Variants in UNC5C observed in about 807,000 individuals in gnomAD.
The protein encoded by UNC5C is unc-5 netrin receptor C.
A neutral mutation model predicts 99.8 loss-of-function variants in UNC5C; 47 were observed. The observed-to-expected ratio is 0.47, with a 90% CI of 0.37 to 0.60. The LOEUF is 0.60. UNC5C is among the 20% of genes least tolerant of loss of function. The pLI is 0.00. For missense variants in UNC5C, 1,062 were observed against 1,165.9 expected (o/e 0.91, Z 1.30); for synonymous variants, 487 against 452.2 (o/e 1.08, Z -0.98).
intron 1 of UNC5C, among the ~76,000 whole-genome samples, chr4:95,512,973 G>A (rs1034917764): frequency 9.2e-5 from 14 of 152,104 alleles, no homozygotes; most frequent in Non-Finnish European, 1.5e-4. Flanking sequence ...CTGCATCTAC[G>A]TGCATTACCG....
In UNC5C at chr4:95,381,713, G is replaced by T. The variant is rs540644991; in HGVS notation, c.125-46082C>A. 6.6e-5 allele frequency among the ~76,000 whole-genome samples: 10 copies of T among 152,188 alleles called. No individual in the cohort carries two copies. In the South Asian group the frequency reaches 1.9e-3, roughly 28 times the overall value. On this transcript the variant is annotated intron_variant, in intron 1 of 15. Transcript: ENST00000453304. ...TCAACAATGAATATCTGAAATTATT[G>T]CATGATGTATTGCATATACATTGAT...
At chr4:95,424,502 A>ATTTTTTTTTTTTTTTTTTT (rs202226117) in intron 1 of UNC5C, among the ~76,000 whole-genome samples, 2 of 95,868 alleles carry the variant, frequency 2.1e-5, no homozygotes, top group African/African-American at 4.0e-5. Flanking sequence ...GGGCTTCAGA[A>ATTTTTTTTTTTTTTTTTTT]TTTTTTTTTT....
chr4:95,520,077 A>G (rs1326942846), intron 1 of UNC5C, among the ~76,000 whole-genome samples: 2 of 152,212 alleles, frequency 1.3e-5, no homozygotes, highest in South Asian at 2.1e-4. Flanking sequence ...TTTGAGATCA[A>G]TGAAGAAATT....
chr4:95,195,902 CAAAA>C (rs397973178), intron 12 of UNC5C, among the ~76,000 whole-genome samples: 1 of 135,476 alleles, frequency 7.4e-6, no homozygotes, highest in Non-Finnish European at 1.6e-5. Context: ...ATGAGTCCAT[CAAAA>C]AAAAAAAAGC....
At chr4:95,330,546 T>C (rs1194330736) in intron 2 of UNC5C, among the ~76,000 whole-genome samples, 1 of 152,144 alleles carries the variant, frequency 6.6e-6, no homozygotes, top group Non-Finnish European at 1.5e-5. Flanking sequence ...GAATTGGCTG[T>C]CTGTACATAG....
chr4:95,180,175 G>A (rs1010744205), intron 14 of UNC5C, among the ~76,000 whole-genome samples: 4 of 152,232 alleles, frequency 2.6e-5, no homozygotes, highest in Non-Finnish European at 5.9e-5. Flanking sequence ...TCCCACACTG[G>A]CCCAAGATAA....
intron 1 of UNC5C, among the ~76,000 whole-genome samples, chr4:95,466,915 T>C (rs1427512207): frequency 6.6e-6 from 1 of 152,172 alleles, no homozygotes; most frequent in Admixed American, 6.5e-5. Flanking sequence ...TCACTACTAA[T>C]GGTGTGCAGC....
At chr4:95,319,768 T>C (rs1408682235) in intron 2 of UNC5C, among the ~76,000 whole-genome samples, 2 of 152,094 alleles carry the variant, frequency 1.3e-5, no homozygotes, top group African/African-American at 4.8e-5. Context: ...AATTTTTAAC[T>C]AAAAAGTTCT....
intron 14 of UNC5C, among the ~76,000 whole-genome samples, chr4:95,172,740 T>C (rs1193701010): frequency 2.6e-5 from 4 of 151,812 alleles, no homozygotes; most frequent in African/African-American, 4.9e-5. Context: ...TTTGGTTCCA[T>C]ATGAACTTGA....
chr4:95,246,946 G>A (rs1739523550), intron 5 of UNC5C, among the ~76,000 whole-genome samples: 1 of 151,982 alleles, frequency 6.6e-6, no homozygotes, highest in Non-Finnish European at 1.5e-5. Flanking sequence ...GGAGGCTGAG[G>A]AGGGAGGATC....
At position 95,169,352 on chromosome 4, in the gene UNC5C, A is replaced by T; in HGVS notation, c.2678T>A (p.Leu893Gln). 1 of 1,614,248 alleles carries T rather than the reference A, an allele frequency of 6.2e-7. No individual in the cohort carries two copies. The highest frequency in any genetic ancestry group is 8.5e-7 in the Non-Finnish European group (1 of 1,180,044). ...ATKSSPTGVILDLWEAQNFPD... is the reference protein window; with the variant it reads ...ATKSSPTGVIQDLWEAQNFPD... ...GAAGTTCTGTGCTTCCCAAAGATCC[A>T]GGATTACGCCAGTTGGGCTGGATTT... The change falls in exon 16 of 16, where the codon CTG becomes CAG. Residue 893 changes from leucine (L) to glutamine (Q), a missense_variant. Leu to Gln is a moderately radical substitution (Grantham distance 113). This residue lies in a region of UNC5C where 810 missense variants were observed against 854.5 expected (regional missense o/e 0.95). Transcript: ENST00000453304.
intron 12 of UNC5C, among the ~76,000 whole-genome samples, chr4:95,187,177 C>G (rs1169202648): frequency 6.6e-6 from 1 of 152,110 alleles, no homozygotes; most frequent in Non-Finnish European, 1.5e-5. Context: ...CTGACAAATT[C>G]TAAAGCTAAA....
At chr4:95,244,617 G>GT (rs1739435226) in intron 6 of UNC5C, among the ~76,000 whole-genome samples, 1 of 151,974 alleles carries the variant, frequency 6.6e-6, no homozygotes, top group Non-Finnish European at 1.5e-5. Context: ...AATTTCTACG[G>GT]TTTTCTGAAG....
intron 1 of UNC5C, among the ~76,000 whole-genome samples, chr4:95,451,730 C>T (rs899958134): frequency 6.6e-6 from 1 of 152,094 alleles, no homozygotes; most frequent in African/African-American, 2.4e-5. Context: ...CAGAAAGCAA[C>T]TATATTTTTC....
chr4:95,535,244 C>CA (rs112217135), intron 1 of UNC5C, among the ~76,000 whole-genome samples: 47,121 of 151,362 alleles, frequency 0.31, 8,162 homozygotes, highest in African/African-American at 0.47. Context: ...TAACTGGGTA[C>CA]AAAAAATAAT....
At chr4:95,184,948 A>G (rs184212530) in intron 13 of UNC5C, 99 bp downstream of exon 13, 433 of 1,291,208 alleles carry the variant, frequency 3.4e-4, no homozygotes, top group Non-Finnish European at 4.2e-4. Flanking sequence ...GTAATGACAT[A>G]TGATTAATTT....
intron 3 of UNC5C, among the ~76,000 whole-genome samples, chr4:95,279,225 T>C (rs1406179550): frequency 6.6e-6 from 1 of 152,190 alleles, no homozygotes; most frequent in African/African-American, 2.4e-5. Context: ...GAAAAGAGAA[T>C]TGAGAACAGT....
At chr4:95,173,996 C>T (rs1320795272) in intron 14 of UNC5C, among the ~76,000 whole-genome samples, 1 of 152,038 alleles carries the variant, frequency 6.6e-6, no homozygotes, top group East Asian at 1.9e-4. Flanking sequence ...AGGAATTTAT[C>T]CATTTCTTCT....
At chr4:95,326,560 T>C (rs1351582297) in intron 2 of UNC5C, among the ~76,000 whole-genome samples, 1 of 152,198 alleles carries the variant, frequency 6.6e-6, no homozygotes, top group East Asian at 1.9e-4. Flanking sequence ...CTTTCAAATA[T>C]TGAAAATTTC....
Sources: allele counts gnomAD v4.1 joint callset (sites outside exome capture counted in the v4.1 genomes callset), GRCh38; gene constraint gnomAD v4.1.1; regional missense constraint gnomAD v4.1.1; transcripts MANE v1.5; gene names NCBI Gene and HGNC (gene_info 2026-07-23, HGNC 2026-07-21).